RBFOX1: variants seen among roughly 807,000 people sequenced by gnomAD.
The protein encoded by RBFOX1 is RNA binding protein fox-1 homolog 1.
Under a neutral mutation model 57.7 loss-of-function variants are expected in RBFOX1, and 8 were observed. The ratio of observed to expected loss-of-function variants is 0.14; its 90% CI spans 0.08 to 0.25. RBFOX1 has a LOEUF of 0.25. Ranked by LOEUF, RBFOX1 falls within the 10% of genes least tolerant of loss-of-function variation. RBFOX1 has a pLI of 1.00. For synonymous variants in RBFOX1, 326 were observed against 222.4 expected (o/e 1.47, Z -4.15); for missense variants, 611 against 548.5 (o/e 1.11, Z -1.14).
chr16:7,007,256 G>A (rs11860345), intron 3 of RBFOX1, among the ~76,000 whole-genome samples: 38,316 of 152,066 alleles, frequency 0.25, 5,585 homozygotes, highest in South Asian at 0.42. Context: ...AGCTTTTTAC[G>A]TCCTTTTGTG....
At chr16:5,780,633 A>C (rs537183808) in intron 3 of RBFOX1, among the ~76,000 whole-genome samples, 1 of 152,160 alleles carries the variant, frequency 6.6e-6, no homozygotes, top group African/African-American at 2.4e-5. Context: ...TTAACTTTTC[A>C]TAGGCAAAGT....
chr16:6,674,934 C>G (rs1270921917), intron 3 of RBFOX1, among the ~76,000 whole-genome samples: 1 of 151,976 alleles, frequency 6.6e-6, no homozygotes, highest in Admixed American at 6.6e-5. Context: ...TTGACACAGT[C>G]TCACTGTGTC....
intron 3 of RBFOX1, among the ~76,000 whole-genome samples, chr16:6,769,512 T>C (rs1198905151): frequency 6.6e-6 from 1 of 152,230 alleles, no homozygotes; most frequent in Non-Finnish European, 1.5e-5. Flanking sequence ...TCCTTAATGG[T>C]TTATCACCCG....
At chr16:6,389,691 C>T (rs1334013636) in intron 2 of RBFOX1, among the ~76,000 whole-genome samples, 1 of 152,106 alleles carries the variant, frequency 6.6e-6, no homozygotes, top group Non-Finnish European at 1.5e-5. Flanking sequence ...CAGTGCTAAT[C>T]AATGACGAAC....
chr16:5,255,754 A>T (rs2062577652), intron 1 of RBFOX1, among the ~76,000 whole-genome samples: 1 of 151,862 alleles, frequency 6.6e-6, no homozygotes, highest in Admixed American at 6.6e-5. Flanking sequence ...CTGTTCATTT[A>T]TTCCACAAAG....
At chr16:7,644,012 G>A (rs2063296439) in intron 11 of RBFOX1, among the ~76,000 whole-genome samples, 1 of 152,188 alleles carries the variant, frequency 6.6e-6, no homozygotes. Context: ...TGGATATAGG[G>A]AGATGATGTA....
chr16:7,396,555 T>C (rs1290123832), intron 4 of RBFOX1, among the ~76,000 whole-genome samples: 1 of 152,204 alleles, frequency 6.6e-6, no homozygotes, highest in Non-Finnish European at 1.5e-5. Context: ...CCTCACGTGC[T>C]GAGTTCTCAT....
chr16:5,436,033 T>C (rs79023853), intron 1 of RBFOX1, among the ~76,000 whole-genome samples: 1 of 152,192 alleles, frequency 6.6e-6, no homozygotes, highest in African/African-American at 2.4e-5. Context: ...GATTGAAGTC[T>C]AAGGTGAGAT....
chr16:5,393,766 G>T (rs77023514), intron 1 of RBFOX1, among the ~76,000 whole-genome samples: 13 of 152,182 alleles, frequency 8.5e-5, no homozygotes, highest in Non-Finnish European at 1.3e-4. Flanking sequence ...CAGTTCATTG[G>T]CTATAAGTCT....
At chr16:5,477,881 C>G (rs560398218) in intron 2 of RBFOX1, among the ~76,000 whole-genome samples, 1 of 152,158 alleles carries the variant, frequency 6.6e-6, no homozygotes, top group Non-Finnish European at 1.5e-5. Context: ...TGATGTTTTT[C>G]GTTAGCTGAG....
chr16:5,708,812 C>G (rs542630746), intron 3 of RBFOX1, among the ~76,000 whole-genome samples: 5 of 152,224 alleles, frequency 3.3e-5, no homozygotes, highest in East Asian at 1.9e-4. Flanking sequence ...AGATGAGGGG[C>G]TTGGGAGCTG....
At chr16:5,968,168 G>A (rs375424153) in intron 4 of RBFOX1, among the ~76,000 whole-genome samples, 77 of 152,116 alleles carry the variant, frequency 5.1e-4, no homozygotes, top group Non-Finnish European at 1.5e-4. Context: ...TCCACCTCCT[G>A]GGTTTAAGCA....
chr16:6,193,378 A>T lies in RBFOX1; in HGVS notation c.-126-123617A>T, dbSNP rs1567650745. Among the ~76,000 whole-genome samples, 2 of 56,786 alleles carry T rather than the reference A, an allele frequency of 3.5e-5. 1 individual carries two copies. The highest frequency in any genetic ancestry group is 6.7e-5 in the Non-Finnish European group (2 of 29,660). 37.3% of individuals were successfully genotyped at this position (56,786 alleles called of 152,430 possible). A position where few individuals can be genotyped will look rare whatever the true frequency, so the allele number is the denominator to read the frequency against. On this transcript the variant is annotated intron_variant, in intron 1 of 15. Transcript: ENST00000550418. ...ACATTATATATATATATATATATAC[A>T]TTATATATATATACTATATATATAT... is the stretch of plus-strand genomic sequence containing the variant.
rs141430980 is a variant in RBFOX1, at chr16:6,503,424, CAT to C, written c.-63-151176_-63-151175del. 2.3e-4 allele frequency among the ~76,000 whole-genome samples: 35 copies of C among 152,236 alleles called. No individual in the cohort carries two copies. The East Asian group carries it at 6.6e-3, about 29-fold the overall frequency. ...CCAATATTTCGTGGCTTAAAAAAATCATATGTTTGTTCACATTTCCCTGGGTG... is the reference window on the plus strand; with the variant it reads ...CCAATATTTCGTGGCTTAAAAAAATCATGTTTGTTCACATTTCCCTGGGTG... On this transcript the variant is annotated intron_variant, in intron 2 of 15. Transcript: ENST00000550418.
chr16:7,161,339 GC>G (rs1567516857), intron 4 of RBFOX1, among the ~76,000 whole-genome samples: 1 of 152,064 alleles, frequency 6.6e-6, no homozygotes, highest in East Asian at 1.9e-4. Context: ...TGTTCTTTAT[GC>G]TTTTAGCATT....
chr16:5,806,530 G>C (rs1414332456), intron 3 of RBFOX1, among the ~76,000 whole-genome samples: 3 of 152,206 alleles, frequency 2.0e-5, no homozygotes, highest in African/African-American at 7.2e-5. Flanking sequence ...AACATAATGA[G>C]GATGAACTTT....
intron 12 of RBFOX1, chr16:7,664,627 G>C: frequency 2.4e-6 from 1 of 420,340 alleles, no homozygotes; most frequent in East Asian, 4.0e-5. Flanking sequence ...TTAAATCTCA[G>C]TCCTCTTTGC....
chr16:7,661,980 T>C (rs1050683565), intron 12 of RBFOX1, among the ~76,000 whole-genome samples: 1 of 151,992 alleles, frequency 6.6e-6, no homozygotes, highest in Non-Finnish European at 1.5e-5. Context: ...CAAATAGGCT[T>C]GACATGGAGG....
intron 4 of RBFOX1, among the ~76,000 whole-genome samples, chr16:5,907,739 C>A (rs2058496291): frequency 6.7e-6 from 1 of 149,450 alleles, no homozygotes; most frequent in East Asian, 1.9e-4. Flanking sequence ...TCATCATCAT[C>A]ATCATCATCA....
Sources: gnomAD v4.1 joint callset for allele counts (sites outside exome capture counted in the v4.1 genomes callset) on GRCh38, gnomAD v4.1.1 for gene constraint, MANE v1.5 for transcripts, NCBI Gene and HGNC (gene_info 2026-07-23, HGNC 2026-07-21) for gene names.